RIMS2: variants seen among roughly 807,000 people sequenced by gnomAD.
RIMS2 encodes regulating synaptic membrane exocytosis protein 2.
In RIMS2, 59 loss-of-function variants were observed where a neutral mutation model predicts 174.4. The ratio of observed to expected loss-of-function variants is 0.34; its 90% CI spans 0.27 to 0.42. RIMS2 has a LOEUF of 0.42. Ranked by LOEUF, RIMS2 falls within the 10% of genes least tolerant of loss-of-function variation. The pLI is 1.00. For missense variants in RIMS2, 1,620 were observed against 1,666.3 expected (o/e 0.97, Z 0.48); for synonymous variants, 606 against 572.5 (o/e 1.06, Z -0.84).
At chr8:103,546,892 T>C (rs1170538300) in intron 1 of RIMS2, among the ~76,000 whole-genome samples, 1 of 152,184 alleles carries the variant, frequency 6.6e-6, no homozygotes, top group Admixed American at 6.5e-5. Context: ...TAGGAAATGT[T>C]TTCTCAGGCT....
chr8:103,586,063 T>C (rs1032013918), intron 1 of RIMS2, among the ~76,000 whole-genome samples: 2 of 152,116 alleles, frequency 1.3e-5, no homozygotes. Flanking sequence ...TGTAAATCTA[T>C]ATGCATCAAA....
At chr8:104,209,423 G>A (rs1587454104) in intron 19 of RIMS2, among the ~76,000 whole-genome samples, 1 of 152,126 alleles carries the variant, frequency 6.6e-6, no homozygotes, top group South Asian at 2.1e-4. Flanking sequence ...GGAAGAGAAG[G>A]CAATAGGCTT....
intron 1 of RIMS2, among the ~76,000 whole-genome samples, chr8:103,587,741 G>A (rs1031513011): frequency 3.9e-5 from 6 of 151,982 alleles, no homozygotes; most frequent in African/African-American, 9.7e-5. Context: ...AAAAAACTGG[G>A]GATGGAAGGA....
intron 2 of RIMS2, among the ~76,000 whole-genome samples, chr8:103,697,692 C>T (rs567344479): frequency 2.6e-5 from 4 of 152,138 alleles, no homozygotes; most frequent in African/African-American, 9.7e-5. Context: ...TGTGCCACTG[C>T]ACTCCAGCCT....
At chr8:104,221,712 C>A (rs1478119016) in intron 19 of RIMS2, among the ~76,000 whole-genome samples, 1 of 152,094 alleles carries the variant, frequency 6.6e-6, no homozygotes, top group East Asian at 1.9e-4. Flanking sequence ...AAAGTTGTTA[C>A]TTTTTCTTAC....
chr8:104,193,109 G>C (rs1340831060), intron 19 of RIMS2, among the ~76,000 whole-genome samples: 1 of 150,644 alleles, frequency 6.6e-6, no homozygotes, highest in African/African-American at 2.5e-5. Context: ...CCCTCCATCT[G>C]TTAGAATGGT....
chr8:103,879,190 C>G (rs940973905), intron 3 of RIMS2, among the ~76,000 whole-genome samples: 1 of 151,060 alleles, frequency 6.6e-6, no homozygotes, highest in Admixed American at 6.6e-5. Context: ...AAAGGTGATA[C>G]AAATGAAAGT....
intron 11 of RIMS2, chr8:103,927,909 G>T: frequency 6.3e-7 from 1 of 1,597,760 alleles, no homozygotes; most frequent in South Asian, 1.1e-5. Flanking sequence ...TTGTCTGCCT[G>T]ATAGAAACTA....
intron 1 of RIMS2, among the ~76,000 whole-genome samples, chr8:103,536,698 C>T (rs1468195371): frequency 6.6e-6 from 1 of 152,144 alleles, no homozygotes; most frequent in East Asian, 1.9e-4. Flanking sequence ...CAAAAACTCA[C>T]TAACCATCAT....
At chr8:103,876,861 A>ATTTT (rs200458704) in intron 3 of RIMS2, among the ~76,000 whole-genome samples, 13 of 69,278 alleles carry the variant, frequency 1.9e-4, no homozygotes, top group South Asian at 6.1e-4. Flanking sequence ...CACACACACT[A>ATTTT]TTTTATATAT....
chr8:103,536,662 A>T (rs776693453), intron 1 of RIMS2, among the ~76,000 whole-genome samples: 11 of 152,124 alleles, frequency 7.2e-5, no homozygotes, highest in Non-Finnish European at 2.9e-5. Context: ...GGGAGGTGCT[A>T]TACGCTTTTA....
chr8:103,969,802 C>T (rs1285971244), intron 15 of RIMS2, among the ~76,000 whole-genome samples: 4 of 152,072 alleles, frequency 2.6e-5, no homozygotes, highest in African/African-American at 7.2e-5. Context: ...GGATGGAGGG[C>T]AGTGGCACGA....
At chr8:104,059,643 G>T (rs1307105662) in intron 19 of RIMS2, among the ~76,000 whole-genome samples, 2 of 145,134 alleles carry the variant, frequency 1.4e-5, no homozygotes, top group African/African-American at 5.1e-5. Context: ...TCCCTGTCTT[G>T]TGCCAGTTTT....
At chr8:103,593,590 A>G (rs2094356604) in intron 1 of RIMS2, among the ~76,000 whole-genome samples, 1 of 151,538 alleles carries the variant, frequency 6.6e-6, no homozygotes, top group Admixed American at 6.6e-5. Flanking sequence ...CATTTACTTC[A>G]ACCAAAGCAA....
rs148398300 is a variant in RIMS2, at chr8:103,850,160, A to G, written c.699-35138A>G. 9.3e-4 allele frequency among the ~76,000 whole-genome samples: 141 copies of G among 152,106 alleles called. No individual in the cohort carries two copies. The East Asian group carries it at 0.022, about 23-fold the overall frequency. ...TTTCACTCCAGAAATCATTCTTTAT[A>G]ATTTAAGGTAATATTCCTAATCTAG... On this transcript the variant is annotated intron_variant, in intron 3 of 23. Transcript: ENST00000504942.
intron 19 of RIMS2, among the ~76,000 whole-genome samples, chr8:104,056,820 A>T (rs1379530604): frequency 6.6e-6 from 1 of 152,064 alleles, no homozygotes; most frequent in Non-Finnish European, 1.5e-5. Context: ...GAGAGGTAAA[A>T]ACTCTATAAT....
intron 16 of RIMS2, among the ~76,000 whole-genome samples, chr8:103,985,391 T>C (rs1166200842): frequency 1.4e-5 from 2 of 140,812 alleles, no homozygotes; most frequent in Non-Finnish European, 3.0e-5. Flanking sequence ...GGAAAATCAC[T>C]TGAATCTGGG....
At chr8:103,605,547 A>G (rs1439453401) in intron 1 of RIMS2, among the ~76,000 whole-genome samples, 6 of 151,258 alleles carry the variant, frequency 4.0e-5, no homozygotes, top group East Asian at 1.9e-4. Context: ...CTCTTTTTCT[A>G]TTGATTGGAA....
intron 2 of RIMS2, among the ~76,000 whole-genome samples, chr8:103,747,757 T>C (rs1219291426): frequency 6.6e-6 from 1 of 152,148 alleles, no homozygotes; most frequent in Non-Finnish European, 1.5e-5. Context: ...TGCCATTAAC[T>C]GTTATGGGTA....
Sources: gnomAD v4.1 joint callset for allele counts (sites outside exome capture counted in the v4.1 genomes callset) on GRCh38, gnomAD v4.1.1 for gene constraint, MANE v1.5 for transcripts, NCBI Gene and HGNC (gene_info 2026-07-23, HGNC 2026-07-21) for gene names.